The following TMEM132D variants were observed in gnomAD, a reference collection of about 807,000 sequenced individuals.
TMEM132D encodes transmembrane protein 132D, also known as mature OL transmembrane protein.
In TMEM132D, 21 loss-of-function variants were observed where a neutral mutation model predicts 62.3. That is an observed-to-expected ratio of 0.34 (90% CI 0.24 to 0.49). TMEM132D has a LOEUF of 0.49. Among genes scored for constraint, TMEM132D ranks in the 20% least tolerant of loss-of-function variants. TMEM132D has a pLI of 0.99. For synonymous variants in TMEM132D, 621 were observed against 575.6 expected (o/e 1.08, Z -1.13); for missense variants, 1,346 against 1,402.8 (o/e 0.96, Z 0.65).
At position 129,185,573 on chromosome 12, in the gene TMEM132D, T is replaced by C. The variant is rs150846852; in HGVS notation, c.1443+23947A>G. Among the ~76,000 whole-genome samples the C allele has an allele frequency of 4.6e-5, 7 of 151,984 alleles. No homozygotes were observed. In the East Asian group the frequency reaches 1.4e-3, roughly 29 times the overall value. ...TATTTTAATTTTATTATTTTTATTA[T>C]ATTATTTTATTTTCATCTGACCTAC... On this transcript the variant is annotated intron_variant, in intron 5 of 8. Coordinates refer to ENST00000422113, the MANE Select transcript of TMEM132D (RefSeq NM_133448.3).
At chr12:129,490,306 A>G (rs1874728597) in intron 3 of TMEM132D, among the ~76,000 whole-genome samples, 1 of 151,536 alleles carries the variant, frequency 6.6e-6, no homozygotes, top group African/African-American at 2.4e-5. Flanking sequence ...TTAGATGTCT[A>G]TGTGTTTGAT....
chr12:129,868,843 C>T (rs1046405829), intron 1 of TMEM132D, among the ~76,000 whole-genome samples: 2 of 152,030 alleles, frequency 1.3e-5, no homozygotes, highest in South Asian at 2.1e-4. Flanking sequence ...GAGCCAGGTT[C>T]GGAGGTGCCT....
intron 2 of TMEM132D, among the ~76,000 whole-genome samples, chr12:129,611,862 T>A (rs375375362): frequency 6.6e-6 from 1 of 152,160 alleles, no homozygotes; most frequent in Non-Finnish European, 1.5e-5. Context: ...GCAAAGACTG[T>A]CTTCCAGCCC....
chr12:129,086,197 C>CGTGTGTGTGT (rs781758085), intron 5 of TMEM132D, among the ~76,000 whole-genome samples: 3 of 73,508 alleles, frequency 4.1e-5, no homozygotes, highest in Non-Finnish European at 8.3e-5. Context: ...TAGTCACGCG[C>CGTGTGTGTGT]GCGCGTGTGT....
At position 129,356,396 on chromosome 12, in the gene TMEM132D, A is replaced by T. The variant is rs1365055654; in HGVS notation, c.1116-18579T>A. ...ATGGTCTCGATCTCTTGACCTCGTG[A>T]TCCGCCCGCCTCGGCCTCCCAAAGT... On this transcript the variant is annotated intron_variant, in intron 3 of 8. Transcript: ENST00000422113. 7.7e-5 allele frequency among the ~76,000 whole-genome samples: 2 copies of T among 26,052 alleles called. 1 individual carries two copies. Among genetic ancestry groups the T allele is most frequent in the African/African-American group, 4.3e-4 (2 of 4,670 alleles). 17.1% of individuals were successfully genotyped at this position (26,052 alleles called of 152,430 possible).
At chr12:129,533,963 G>T (rs549100608) in intron 2 of TMEM132D, among the ~76,000 whole-genome samples, 2 of 152,162 alleles carry the variant, frequency 1.3e-5, no homozygotes, top group African/African-American at 4.8e-5. Flanking sequence ...ATGTAGACAC[G>T]GTATTTACTG....
intron 1 of TMEM132D, among the ~76,000 whole-genome samples, chr12:129,763,108 C>T (rs141582926): frequency 5.3e-5 from 8 of 152,310 alleles, no homozygotes; most frequent in Admixed American, 4.6e-4. Context: ...GACAGGGTCT[C>T]ACTCTGTGGT....
chr12:129,886,877 C>CAA (rs1874764234), intron 1 of TMEM132D, among the ~76,000 whole-genome samples: 1 of 152,160 alleles, frequency 6.6e-6, no homozygotes, highest in African/African-American at 2.4e-5. Context: ...AGAGGCTTTT[C>CAA]CCCCTTTTGC....
chr12:129,417,695 G>C (rs989054287), intron 3 of TMEM132D, among the ~76,000 whole-genome samples: 1 of 152,176 alleles, frequency 6.6e-6, no homozygotes, highest in Non-Finnish European at 1.5e-5. Context: ...TGCCAAAATT[G>C]ACAAATGGGA....
intron 1 of TMEM132D, among the ~76,000 whole-genome samples, chr12:129,804,491 C>T (rs1440060542): frequency 1.0e-4 from 15 of 150,600 alleles, no homozygotes; most frequent in Non-Finnish European, 2.2e-4. Context: ...AATTCAACAA[C>T]CCTTCATGCT....
At chr12:129,817,364 CA>C (rs1872376205) in intron 1 of TMEM132D, among the ~76,000 whole-genome samples, 1 of 152,154 alleles carries the variant, frequency 6.6e-6, no homozygotes, top group African/African-American at 2.4e-5. Flanking sequence ...CGTGAACACA[CA>C]GAACCAGACG....
intron 3 of TMEM132D, among the ~76,000 whole-genome samples, chr12:129,431,742 T>C (rs1418762219): frequency 6.6e-6 from 1 of 152,202 alleles, no homozygotes; most frequent in East Asian, 1.9e-4. Flanking sequence ...TCACTCTGGG[T>C]AAAAACTTAA....
intron 2 of TMEM132D, among the ~76,000 whole-genome samples, chr12:129,596,881 TTGTC>T (rs1878351861): frequency 6.6e-6 from 1 of 152,114 alleles, no homozygotes; most frequent in Admixed American, 6.5e-5. Flanking sequence ...AATTCTGTGA[TTGTC>T]TGAGCTCCAC....
intron 3 of TMEM132D, among the ~76,000 whole-genome samples, chr12:129,433,594 T>C (rs866083137): frequency 5.5e-4 from 84 of 152,204 alleles, no homozygotes; most frequent in Non-Finnish European, 2.6e-4. Flanking sequence ...GTTTGGGCTT[T>C]TGTGGAGATT....
intron 2 of TMEM132D, among the ~76,000 whole-genome samples, chr12:129,580,730 A>AAT (rs1555219770): frequency 1.6e-5 from 2 of 124,376 alleles, no homozygotes; most frequent in African/African-American, 2.9e-5. Flanking sequence ...TAAGTAAATA[A>AAT]AAATAAATAA....
chr12:129,512,678 C>T (rs1032409069), intron 3 of TMEM132D, among the ~76,000 whole-genome samples: 13 of 152,192 alleles, frequency 8.5e-5, no homozygotes, highest in Non-Finnish European at 1.3e-4. Context: ...CTGTTTCCAA[C>T]GAGGCTCACT....
At chr12:129,412,226 TG>T (rs1449670914) in intron 3 of TMEM132D, among the ~76,000 whole-genome samples, 1 of 152,148 alleles carries the variant, frequency 6.6e-6, no homozygotes, top group Non-Finnish European at 1.5e-5. Flanking sequence ...CGGGATATGA[TG>T]GGGTTGTCTC....
intron 1 of TMEM132D, among the ~76,000 whole-genome samples, chr12:129,823,685 G>A (rs75323913): frequency 0.011 from 1,639 of 152,334 alleles, 20 homozygotes; most frequent in African/African-American, 0.037. Flanking sequence ...AGGAAGAATC[G>A]TGGAGAGGAA....
At chr12:129,216,587 G>C (rs1879208300) in intron 4 of TMEM132D, among the ~76,000 whole-genome samples, 1 of 152,186 alleles carries the variant, frequency 6.6e-6, no homozygotes, top group South Asian at 2.1e-4. Flanking sequence ...CCTCCAGAGG[G>C]AGCATGGCCC....
Sources: allele counts gnomAD v4.1 joint callset (sites outside exome capture counted in the v4.1 genomes callset), GRCh38; gene constraint gnomAD v4.1.1; transcripts MANE v1.5; gene names NCBI Gene and HGNC (gene_info 2026-07-23, HGNC 2026-07-21).